ETV6: variants seen among roughly 807,000 people sequenced by gnomAD.
ETV6 encodes the protein transcription factor ETV6.
Under a neutral mutation model 51.1 loss-of-function variants are expected in ETV6, and 16 were observed. That is an observed-to-expected ratio of 0.31 (90% CI 0.21 to 0.48). The LOEUF (loss-of-function observed/expected upper bound fraction) is 0.48. Ranked by LOEUF, ETV6 falls within the 20% of genes least tolerant of loss-of-function variation. ETV6 has a pLI of 0.99. For synonymous variants in ETV6, 240 were observed against 224.1 expected (o/e 1.07, Z -0.64); for missense variants, 458 against 594.8 (o/e 0.77, Z 2.39).
chr12:11,722,649 A>G (rs1865410894), intron 1 of ETV6, among the ~76,000 whole-genome samples: 2 of 152,188 alleles, frequency 1.3e-5, no homozygotes, highest in Non-Finnish European at 2.9e-5. Context: ...GATTTCTCCT[A>G]AAATGAAGAG....
chr12:11,728,937 C>A (rs574155228), intron 1 of ETV6, among the ~76,000 whole-genome samples: 89 of 152,328 alleles, frequency 5.8e-4, no homozygotes, highest in African/African-American at 2.1e-3. Context: ...TGTTTATTTA[C>A]AATTTAATAT....
At chr12:11,833,412 G>C (rs2723819) in intron 2 of ETV6, among the ~76,000 whole-genome samples, 1 of 152,112 alleles carries the variant, frequency 6.6e-6, no homozygotes, top group Non-Finnish European at 1.5e-5. Flanking sequence ...ACACAGCTGG[G>C]AAATAGAGGT....
chr12:11,849,777 G>A (rs1183561702), intron 3 of ETV6, among the ~76,000 whole-genome samples: 1 of 152,312 alleles, frequency 6.6e-6, no homozygotes, highest in East Asian at 1.9e-4. Context: ...GGAGGTGGGA[G>A]ACTCTTAGTG....
At position 11,891,612 on chromosome 12, in the gene ETV6, T is replaced by C. The variant is rs776888008; in HGVS notation, c.*566T>C. On this transcript the variant is annotated 3_prime_UTR_variant, in exon 8 of 8. Transcript: ENST00000396373. ...TTGGGTCTTGGCTGAAAAAAAAAAA[T>C]GCTTTTAAAAAAGATAAAATGAAAA... is the stretch of plus-strand genomic sequence containing the variant. 65 of 524,778 alleles carry C rather than the reference T, an allele frequency of 1.2e-4. No individual in the cohort carries two copies. The highest frequency in any genetic ancestry group is 9.2e-4 in the South Asian group (58 of 63,256). 32.5% of individuals were successfully genotyped at this position (524,778 alleles called of 1,614,324 possible). A position where few individuals can be genotyped will look rare whatever the true frequency, so the allele number is the denominator to read the frequency against.
intron 2 of ETV6, among the ~76,000 whole-genome samples, chr12:11,796,601 A>T (rs750254684): frequency 1.3e-5 from 2 of 152,158 alleles, no homozygotes; most frequent in African/African-American, 2.4e-5. Flanking sequence ...TCTTACTCTT[A>T]TACATCATCT....
At chr12:11,815,584 G>A (rs1945979950) in intron 2 of ETV6, among the ~76,000 whole-genome samples, 1 of 152,226 alleles carries the variant, frequency 6.6e-6, no homozygotes, top group Admixed American at 6.5e-5. Flanking sequence ...CTGGAAGTAA[G>A]AATGATAATG....
rs11054462 is a variant in ETV6 at position 11,802,768 on chromosome 12, G to A, written c.164-36372G>A. The stretch of plus-strand genomic sequence containing the variant: ...GATAATTACTCCTAAATCATGCCTT[G>A]GATTGAACTGAGCTTTGAATGTCTC... On this transcript the variant is annotated intron_variant, in intron 2 of 7. Coordinates refer to ENST00000396373, the MANE Select transcript of ETV6 (RefSeq NM_001987.5). Among the ~76,000 whole-genome samples the A allele has an allele frequency of 9.9e-5, 15 of 152,256 alleles. No individual in the cohort carries two copies. In the East Asian group the frequency reaches 2.7e-3, roughly 27 times the overall value.
At chr12:11,715,076 G>T (rs542630672) in intron 1 of ETV6, among the ~76,000 whole-genome samples, 115 of 152,240 alleles carry the variant, frequency 7.6e-4, no homozygotes, top group African/African-American at 2.6e-3. Context: ...TTTTCAAATG[G>T]GGAAGACCAT....
At chr12:11,794,440 C>G (rs1945647726) in intron 2 of ETV6, among the ~76,000 whole-genome samples, 1 of 152,196 alleles carries the variant, frequency 6.6e-6, no homozygotes, top group African/African-American at 2.4e-5. Flanking sequence ...TTTGGCGCCT[C>G]TCTGCTGCCT....
chr12:11,729,038 C>G (rs1252662874), intron 1 of ETV6, among the ~76,000 whole-genome samples: 1 of 152,202 alleles, frequency 6.6e-6, no homozygotes, highest in East Asian at 1.9e-4. Context: ...CATACATTCT[C>G]TATTATTTTT....
intron 4 of ETV6, among the ~76,000 whole-genome samples, chr12:11,857,787 G>A (rs1481112254): frequency 6.6e-6 from 1 of 152,174 alleles, no homozygotes; most frequent in African/African-American, 2.4e-5. Context: ...GATCATAAGG[G>A]CTAAGTTTCT....
chr12:11,687,483 A>T (rs205532), intron 1 of ETV6, among the ~76,000 whole-genome samples: 2 of 152,070 alleles, frequency 1.3e-5, no homozygotes, highest in African/African-American at 4.8e-5. Context: ...CCAGCGCCAC[A>T]CCCCCTTTTT....
intron 1 of ETV6, among the ~76,000 whole-genome samples, chr12:11,725,355 A>T (rs1865469132): frequency 6.6e-6 from 1 of 152,214 alleles, no homozygotes; most frequent in East Asian, 1.9e-4. Flanking sequence ...TTTCCTTGGG[A>T]TGTTATTTGC....
chr12:11,847,710 G>T (rs1184154979), intron 3 of ETV6, among the ~76,000 whole-genome samples: 1 of 152,218 alleles, frequency 6.6e-6, no homozygotes, highest in African/African-American at 2.4e-5. Context: ...AGAAGGGTGG[G>T]AGTGGGAACC....
At chr12:11,810,950 T>C (rs1945903755) in intron 2 of ETV6, among the ~76,000 whole-genome samples, 1 of 152,164 alleles carries the variant, frequency 6.6e-6, no homozygotes, top group South Asian at 2.1e-4. Context: ...GCTCTTTTTT[T>C]TTTAAACACC....
intron 2 of ETV6, among the ~76,000 whole-genome samples, chr12:11,760,473 A>G (rs888157559): frequency 2.0e-5 from 3 of 152,176 alleles, no homozygotes; most frequent in Non-Finnish European, 4.4e-5. Flanking sequence ...TAAATTCTCT[A>G]CTTCTGGGGT....
At chr12:11,673,242 A>G (rs1864353750) in intron 1 of ETV6, among the ~76,000 whole-genome samples, 1 of 152,084 alleles carries the variant, frequency 6.6e-6, no homozygotes, top group Non-Finnish European at 1.5e-5. Context: ...GGAGTGGTGA[A>G]TGAGGAGGGG....
intron 3 of ETV6, among the ~76,000 whole-genome samples, chr12:11,842,950 C>T (rs1946411878): frequency 6.6e-6 from 1 of 152,164 alleles, no homozygotes; most frequent in Non-Finnish European, 1.5e-5. Context: ...GAAAACTTGT[C>T]CTGATCTGCA....
At chr12:11,873,929 G>A (rs1020471612) in intron 5 of ETV6, among the ~76,000 whole-genome samples, 1 of 112,604 alleles carries the variant, frequency 8.9e-6, no homozygotes, top group Non-Finnish European at 1.8e-5. Context: ...TGAATGCTTA[G>A]AATGTGGACA....
Sources: gnomAD v4.1 joint callset for allele counts (sites outside exome capture counted in the v4.1 genomes callset) on GRCh38, gnomAD v4.1.1 for gene constraint, MANE v1.5 for transcripts, NCBI Gene and HGNC (gene_info 2026-07-23, HGNC 2026-07-21) for gene names.